Variants in TMEM132B observed in about 807,000 individuals in gnomAD.
TMEM132B encodes transmembrane protein 132B.
Under a neutral mutation model 90.8 loss-of-function variants are expected in TMEM132B, and 18 were observed. The observed-to-expected ratio is 0.20, with a 90% CI of 0.14 to 0.29. TMEM132B has a LOEUF of 0.29. Ranked by LOEUF, TMEM132B falls within the 10% of genes least tolerant of loss-of-function variation. The probability of loss-of-function intolerance (pLI) is 1.00; values close to 1 mark genes in which losing one functional copy is unlikely to be tolerated. For synonymous variants in TMEM132B, 504 were observed against 523.3 expected, an observed-to-expected ratio of 0.96 and a Z score of 0.50; for missense variants, 1,096 against 1,326.8, an observed-to-expected ratio of 0.83 and a Z score of 2.70.
intron 1 of TMEM132B, among the ~76,000 whole-genome samples, chr12:125,252,820 T>C (rs763406132): frequency 7.2e-5 from 11 of 151,966 alleles, no homozygotes; most frequent in Non-Finnish European, 1.5e-4. Flanking sequence ...GGTTCCAGAG[T>C]CACTCTCCGG....
intron 7 of TMEM132B, among the ~76,000 whole-genome samples, chr12:125,651,933 C>T (rs1294250649): frequency 2.6e-5 from 4 of 152,182 alleles, no homozygotes; most frequent in East Asian, 3.8e-4. Context: ...TGGTCCCTTC[C>T]GCCTTCAGTA....
chr12:125,553,593 T>C (rs1000562926), intron 4 of TMEM132B, among the ~76,000 whole-genome samples: 3 of 152,200 alleles, frequency 2.0e-5, no homozygotes, highest in African/African-American at 7.2e-5. Context: ...TCATGAAGAC[T>C]GAGTGTAGTG....
chr12:125,509,345 C>T (rs1424488923), intron 3 of TMEM132B, among the ~76,000 whole-genome samples: 3 of 152,172 alleles, frequency 2.0e-5, no homozygotes, highest in African/African-American at 7.2e-5. Flanking sequence ...CACTTCTCTG[C>T]GCATGCAGGA....
chr12:125,614,351 T>C (rs998212411), intron 5 of TMEM132B, among the ~76,000 whole-genome samples: 1 of 152,176 alleles, frequency 6.6e-6, no homozygotes, highest in African/African-American at 2.4e-5. Context: ...CACTTATAAG[T>C]GAGAACATGC....
intron 5 of TMEM132B, among the ~76,000 whole-genome samples, chr12:125,603,436 A>T (rs566552518): frequency 6.6e-6 from 1 of 152,304 alleles, no homozygotes; most frequent in African/African-American, 2.4e-5. Flanking sequence ...CTTACACCTT[A>T]TACAAAAATT....
intron 3 of TMEM132B, among the ~76,000 whole-genome samples, chr12:125,468,456 TG>T (rs1269343907): frequency 3.3e-5 from 5 of 152,210 alleles, no homozygotes; most frequent in African/African-American, 2.4e-5. Flanking sequence ...GGGAACAGCA[TG>T]AATGAAATCA....
At chr12:125,652,259 T>G (rs11612342) in intron 7 of TMEM132B, among the ~76,000 whole-genome samples, 182 bp from the exon 8 acceptor site, 15,429 of 152,244 alleles carry the variant, frequency 0.1, 1,002 homozygotes, top group South Asian at 0.19. Context: ...AAGATGATCT[T>G]TATAAAACTC....
At chr12:125,475,970 A>G (rs1382989141) in intron 3 of TMEM132B, among the ~76,000 whole-genome samples, 1 of 151,932 alleles carries the variant, frequency 6.6e-6, no homozygotes, top group Non-Finnish European at 1.5e-5. Flanking sequence ...TTTTTTTTAC[A>G]TTGGTATTAG....
At chr12:125,290,584 G>C (rs1383811813) in intron 1 of TMEM132B, among the ~76,000 whole-genome samples, 2 of 152,188 alleles carry the variant, frequency 1.3e-5, no homozygotes, top group Non-Finnish European at 2.9e-5. Flanking sequence ...CTTCCGCAAT[G>C]TGTTCATCTT....
chr12:125,461,605 C>A (rs979341134), intron 3 of TMEM132B, among the ~76,000 whole-genome samples: 16 of 152,244 alleles, frequency 1.1e-4, no homozygotes, highest in Non-Finnish European at 1.9e-4. Context: ...TGAATGTTGA[C>A]ACTTTAGAAA....
chr12:125,219,087 A>G (rs867650699), intron 1 of TMEM132B, among the ~76,000 whole-genome samples: 1 of 152,360 alleles, frequency 6.6e-6, no homozygotes, highest in Middle Eastern at 3.4e-3. Context: ...AGAGGTCCTG[A>G]GCCTCTAGAT....
At chr12:125,355,876 A>C (rs1368175281) in intron 2 of TMEM132B, among the ~76,000 whole-genome samples, 1 of 152,150 alleles carries the variant, frequency 6.6e-6, no homozygotes, top group Non-Finnish European at 1.5e-5. Flanking sequence ...GGCCCGTCTG[A>C]ACAAAAATTA....
At chr12:125,364,718 A>C (rs1244334452) in intron 2 of TMEM132B, among the ~76,000 whole-genome samples, 1 of 152,118 alleles carries the variant, frequency 6.6e-6, no homozygotes, top group East Asian at 1.9e-4. Flanking sequence ...CAGATCTTGC[A>C]CATCCCTTGT....
At chr12:125,255,343 G>A (rs549112384) in intron 1 of TMEM132B, among the ~76,000 whole-genome samples, 11 of 151,918 alleles carry the variant, frequency 7.2e-5, no homozygotes, top group South Asian at 4.2e-4. Flanking sequence ...GTATGTGGGC[G>A]CGAGGGGGTG....
chr12:125,526,866 C>T, intron 4 of TMEM132B, among the ~76,000 whole-genome samples: 1 of 152,018 alleles, frequency 6.6e-6, no homozygotes, highest in East Asian at 1.9e-4. Flanking sequence ...CAGCCATCCA[C>T]CCATCCAACC....
At chr12:125,441,803 G>GT (rs1317948062) in intron 3 of TMEM132B, among the ~76,000 whole-genome samples, 1 of 152,220 alleles carries the variant, frequency 6.6e-6, no homozygotes, top group Non-Finnish European at 1.5e-5. Context: ...AATCTCTTCT[G>GT]TAAAATGGGG....
chr12:125,524,265 G>A (rs1236806191), intron 4 of TMEM132B, among the ~76,000 whole-genome samples: 1 of 152,252 alleles, frequency 6.6e-6, no homozygotes, highest in African/African-American at 2.4e-5. Flanking sequence ...AGTCATGTAT[G>A]TAAAGGGAAA....
At chr12:125,548,601 C>T (rs145824425) in intron 4 of TMEM132B, among the ~76,000 whole-genome samples, 19 of 152,278 alleles carry the variant, frequency 1.2e-4, no homozygotes, top group Non-Finnish European at 2.6e-4. Flanking sequence ...AGGCGAAAGG[C>T]TGGTGGTCTG....
intron 1 of TMEM132B, among the ~76,000 whole-genome samples, chr12:125,312,010 A>G (rs1318090401): frequency 2.0e-5 from 3 of 152,224 alleles, no homozygotes; most frequent in African/African-American, 7.2e-5. Context: ...GTGCAGTAAT[A>G]GGGAGTGGTG....
Sources: gnomAD v4.1 joint callset for allele counts (sites outside exome capture counted in the v4.1 genomes callset) on GRCh38, gnomAD v4.1.1 for gene constraint, MANE v1.5 for transcripts, NCBI Gene and HGNC (gene_info 2026-07-23, HGNC 2026-07-21) for gene names.